KRT14: variants seen among roughly 807,000 people sequenced by gnomAD.
The protein encoded by KRT14 is keratin 14, also known as keratin, type I cytoskeletal 14.
In KRT14, 30 loss-of-function variants were observed where a neutral mutation model predicts 44.5. The ratio of observed to expected loss-of-function variants is 0.67; its 90% CI spans 0.50 to 0.92. The LOEUF is 0.92. Ranked by LOEUF, KRT14 falls within the 40% of genes least tolerant of loss-of-function variation. The pLI is 0.00. For missense variants in KRT14, 535 were observed against 640.6 expected, an observed-to-expected ratio of 0.84 and a Z score of 1.78; for synonymous variants, 241 against 257.6, an observed-to-expected ratio of 0.94 and a Z score of 0.62.
rs778024258 is a variant in KRT14, at chr17:41,584,344, G to T, written c.678C>A (p.Asp226Glu). ...GGTCAGCTCTGGCCAGGGTCAGTTC[G>T]TCCAGCACCCTGCGCAGGCCATTGA... ...ADINGLRRVL[D>E]ELTLARADLE... is the part of the protein sequence containing the mutation. The change falls in exon 3 of 8, where the codon GAC becomes GAA. Residue 226 changes from aspartate (D) to glutamate (E), a missense_variant. Coordinates refer to ENST00000167586, the MANE Select transcript of KRT14 (RefSeq NM_000526.5). 6.2e-7 allele frequency: 1 copy of T among 1,613,916 alleles called. No individual in the cohort carries two copies. Among genetic ancestry groups the T allele is most frequent in the South Asian group, 1.1e-5 (1 of 91,068 alleles).
In KRT14 at chr17:41,585,019, C is replaced by A; in HGVS notation, c.564G>T (p.Leu188=). 6.2e-7 allele frequency: 1 copy of A among 1,614,200 alleles called. No individual in the cohort carries two copies. The change falls in exon 2 of 8, where the codon CTG becomes CTT. Residue 188 remains leucine (L), a synonymous_variant. Transcript: ENST00000167586. The part of the protein sequence containing the change: ...TATVDNANVL[L]QIDNARLAAD... ...CGGCCAGACGGGCATTGTCAATCTGCAGAAGGACATTGGCATTGTCCACTG... is the reference window on the plus strand; with the variant it reads ...CGGCCAGACGGGCATTGTCAATCTGAAGAAGGACATTGGCATTGTCCACTG...
At chr17:41,582,958 C>T in intron 7 of KRT14, 136 bp downstream of exon 7, 1 of 870,142 alleles carries the variant, frequency 1.1e-6, no homozygotes, top group South Asian at 1.5e-5. Flanking sequence ...CTTCTTCCAC[C>T]CAAGGAGGTT....
rs748092575 is a variant in KRT14 at position 41,585,017 on chromosome 17, T to C, written c.566A>G (p.Gln189Arg). Residue 189 changes from glutamine (Q) to arginine (R), a missense_variant, in exon 2 of 8, where the codon CAG becomes CGG. By Grantham distance (43) the Gln-to-Arg change is conservative (BLOSUM62 1). Transcript: ENST00000167586. ...CGCGGCCAGACGGGCATTGTCAATCTGCAGAAGGACATTGGCATTGTCCAC... is the reference window on the plus strand; with the variant it reads ...CGCGGCCAGACGGGCATTGTCAATCCGCAGAAGGACATTGGCATTGTCCAC... Reference protein sequence around the residue: ...ATVDNANVLLQIDNARLAADD... With the variant: ...ATVDNANVLLRIDNARLAADD... 1 of 1,614,194 alleles carries C rather than the reference T, an allele frequency of 6.2e-7. No homozygotes were observed. The highest frequency in any genetic ancestry group is 1.7e-5 in the Admixed American group (1 of 60,032).
At chr17:41,583,971 A>G (rs1242510356) in intron 3 of KRT14, 50 bp from the exon 4 acceptor site, 1 of 1,470,020 alleles carries the variant, frequency 6.8e-7, no homozygotes, top group Non-Finnish European at 9.2e-7. Context: ...ATGGCAGCGG[A>G]TTGGTGTTCC....
Position 41,583,339 on chromosome 17 carries a change from C to T in KRT14, c.1170G>A (p.Glu390=). ...TGTACTCCTGGTTCTGCTGCTCCATCTCGCAGCGGAGCTGGGCCAGCTGCT... is the reference window on the plus strand; with the variant it reads ...TGTACTCCTGGTTCTGCTGCTCCATTTCGCAGCGGAGCTGGGCCAGCTGCT... ...VEEQLAQLRC[E]MEQQNQEYKI... The change falls in exon 6 of 8, where the codon GAG becomes GAA. Residue 390 remains glutamate (E), a synonymous_variant. Transcript: ENST00000167586. 6.2e-7 allele frequency: 1 copy of T among 1,613,766 alleles called. No individual in the cohort carries two copies.
chr17:41,586,884 A>G lies in KRT14; in HGVS notation c.-50T>C. On this transcript the variant is annotated 5_prime_UTR_variant, in exon 1 of 8. Transcript: ENST00000167586. ...GCGAGCAGTTGGCTGAGTGAAGAGA[A>G]GGTGCTCGGGTAAATTGGAAAGGGA... 6.5e-7 allele frequency: 1 copy of G among 1,541,566 alleles called. No individual in the cohort carries two copies. The highest frequency in any genetic ancestry group is 8.7e-7 in the Non-Finnish European group (1 of 1,147,480).
intron 1 of KRT14, 152 bp from the exon 2 acceptor site, chr17:41,585,209 T>A (rs972817826): frequency 1.4e-6 from 1 of 699,382 alleles, no homozygotes; most frequent in African/African-American, 1.8e-5. Context: ...GGAAAACAGA[T>A]GCCCCAGGCC....
chr17:41,583,956 C>G, intron 3 of KRT14, 35 bp from the exon 4 acceptor site: 1 of 1,613,266 alleles, frequency 6.2e-7, no homozygotes. Flanking sequence ...GTCAGGAGTT[C>G]CACCATGGCA....
At chr17:41,586,219 A>C in intron 1 of KRT14, 91 bp downstream of exon 1, 44 of 1,525,358 alleles carry the variant, frequency 2.9e-5, no homozygotes, top group Non-Finnish European at 3.6e-5. Context: ...TCTGTCCTAT[A>C]GAGAAATCTT....
In KRT14 at chr17:41,583,920, T is replaced by A; in HGVS notation, c.767A>T (p.Glu256Val). 6.2e-7 allele frequency: 1 copy of A among 1,613,932 alleles called. No homozygotes were observed. ...LAYLKKNHEE[E>V]MNALRGQVGG... ...CACCTGGCCTCTCAGGGCATTCATC[T>A]CCTGCACAGCCAGGGACAGTCCACA... Residue 256 changes from glutamate (E) to valine (V), a missense_variant and splice_region_variant, in exon 4 of 8, where the codon GAG (glutamate) becomes GTG (valine). Coordinates refer to ENST00000167586, the MANE Select transcript of KRT14 (RefSeq NM_000526.5).
Position 41,584,198 on chromosome 17 carries a change from A to G in KRT14, c.765+59T>C, listed in dbSNP as rs1597798938. On this transcript the variant is annotated intron_variant, in intron 3 of 7. Coordinates refer to ENST00000167586, the MANE Select transcript of KRT14 (RefSeq NM_000526.5). The stretch of plus-strand genomic sequence containing the variant: ...CAAGTAGCTGGGACTATGGGCACGC[A>G]CCACTGTACCCAGCCTCCCTGCATT... The G allele has an allele frequency of 3.2e-6, 5 of 1,545,130 alleles. No individual in the cohort carries two copies. The East Asian group carries it at 1.2e-4, about 36-fold the overall frequency.
chr17:41,583,687 GA>G lies in KRT14; in HGVS notation c.928-12del. The G allele has an allele frequency of 6.2e-7, 1 of 1,614,214 alleles. No homozygotes were observed. Among genetic ancestry groups the G allele is most frequent in the Non-Finnish European group, 8.5e-7 (1 of 1,180,028 alleles). On this transcript the variant is annotated splice_polypyrimidine_tract_variant and intron_variant, in intron 4 of 7. Coordinates refer to ENST00000167586, the MANE Select transcript of KRT14 (RefSeq NM_000526.5). The stretch of plus-strand genomic sequence containing the variant: ...GTTCAGCTCCTCTGTCTGCAAAAAA[GA>G]GAATGCCATTCACACCAGAAGGCCC...
chr17:41,584,510 T>A, intron 2 of KRT14, 97 bp from the exon 3 acceptor site: 1 of 1,417,766 alleles, frequency 7.1e-7, no homozygotes, highest in Non-Finnish European at 9.9e-7. Context: ...AGCTGGTGCC[T>A]TGTGGGTGGT....
intron 1 of KRT14, among the ~76,000 whole-genome samples, chr17:41,585,770 C>T (rs538100768): frequency 6.6e-6 from 1 of 152,374 alleles, no homozygotes; most frequent in East Asian, 1.9e-4. Context: ...CAAGGGACCA[C>T]ACTAATTGTC....
chr17:41,586,550 G>A lies in KRT14; in HGVS notation c.285C>T (p.Gly95=). The A allele has an allele frequency of 1.2e-6, 2 of 1,613,918 alleles. No individual in the cohort carries two copies. The highest frequency in any genetic ancestry group is 1.6e-4 in the Middle Eastern group (1 of 6,062). ...GGGYGGGLGA[G]LGGGFGGGFA... ...AGCCACCACCAAAGCCACCACCCAA[G>A]CCAGCACCAAGGCCACCACCATATC... is the stretch of plus-strand genomic sequence containing the variant. Residue 95 remains glycine (G), a synonymous_variant, in exon 1 of 8, where the codon GGC becomes GGT. Transcript: ENST00000167586.
chr17:41,586,208 C>T, intron 1 of KRT14, 102 bp downstream of exon 1: 1 of 1,473,216 alleles, frequency 6.8e-7, no homozygotes, highest in Non-Finnish European at 9.5e-7. Context: ...CTGGGGTGGA[C>T]TCTGTCCTAT....
chr17:41,583,979 T>C (rs1199956694), intron 3 of KRT14, 58 bp from the exon 4 acceptor site: 13 of 1,594,444 alleles, frequency 8.2e-6, no homozygotes, highest in Non-Finnish European at 1.1e-5. Flanking sequence ...GGATTGGTGT[T>C]CCTTAGGCCT....
In KRT14 at chr17:41,586,753, AGCCGCCCCCGAT is replaced by A. The variant is rs542422851; in HGVS notation, c.70_81del (p.Ile24_Gly27del). On this transcript the variant is annotated inframe_deletion, in exon 1 of 8. Coordinates refer to ENST00000167586, the MANE Select transcript of KRT14 (RefSeq NM_000526.5). The stretch of plus-strand genomic sequence containing the variant: ...GCCAGGACGGAGGAGATGCGGCTGG[AGCCGCCCCCGAT>A]GCCGCCCCCGATGCCGCAGGAGCCC... 6.3e-4 allele frequency: 992 copies of A among 1,581,218 alleles called. 7 individuals are homozygous for A. In the African/African-American group the frequency reaches 9.5e-3, roughly 15 times the overall value.
intron 7 of KRT14, 194 bp from the exon 8 acceptor site, chr17:41,582,726 G>T (rs1428001466): frequency 1.6e-6 from 1 of 634,506 alleles, no homozygotes; most frequent in East Asian, 2.7e-5. Flanking sequence ...GGCTCCCAAA[G>T]GTCAGAGACA....
Sources: allele counts gnomAD v4.1 joint callset (sites outside exome capture counted in the v4.1 genomes callset), GRCh38; gene constraint gnomAD v4.1.1; transcripts MANE v1.5; gene names NCBI Gene and HGNC (gene_info 2026-07-23, HGNC 2026-07-21).